Variants in CEP112 observed in about 807,000 individuals in gnomAD.
The protein encoded by CEP112 is centrosomal protein 112.
In CEP112, 127 loss-of-function variants were observed where a neutral mutation model predicts 153.0. The ratio of observed to expected loss-of-function variants is 0.83; its 90% CI spans 0.72 to 0.96. The LOEUF (loss-of-function observed/expected upper bound fraction) is 0.96, where lower values mean the gene tolerates loss of function less well. CEP112 is among the 40% of genes least tolerant of loss of function. CEP112 has a pLI of 0.00. For missense variants in CEP112, 1,089 were observed against 1,101.2 expected (o/e 0.99, Z 0.16); for synonymous variants, 358 against 374.4 (o/e 0.96, Z 0.51).
rs751345112 is a variant in CEP112, at chr17:66,096,539, T to G, written c.690+46A>C. 1.6e-5 allele frequency: 21 copies of G among 1,338,872 alleles called. No individual in the cohort carries two copies. The African/African-American group carries it at 3.1e-4, about 20-fold the overall frequency. 82.9% of individuals were successfully genotyped at this position (1,338,872 alleles called of 1,614,324 possible). Reference sequence around the variant, plus strand: ...TAAATAACTTAGTGATTATTTTATTTTAAAATACCTGCCCCTAGAAAAAGT... The same window carrying G: ...TAAATAACTTAGTGATTATTTTATTGTAAAATACCTGCCCCTAGAAAAAGT... On this transcript the variant is annotated intron_variant, in intron 7 of 26. Transcript: ENST00000535342.
chr17:65,895,256 T>G (rs2059619067), intron 20 of CEP112, among the ~76,000 whole-genome samples: 1 of 151,862 alleles, frequency 6.6e-6, no homozygotes, highest in Non-Finnish European at 1.5e-5. Flanking sequence ...CCTCATAAGG[T>G]ATTAAAGGGT....
chr17:65,700,936 TCCAGG>T (rs2048600025), intron 23 of CEP112, among the ~76,000 whole-genome samples: 1 of 152,086 alleles, frequency 6.6e-6, no homozygotes, highest in African/African-American at 2.4e-5. Flanking sequence ...TTGTAAAAAG[TCCAGG>T]AATACAGAAT....
chr17:66,024,169 C>T (rs2065107648), intron 16 of CEP112, among the ~76,000 whole-genome samples: 1 of 152,070 alleles, frequency 6.6e-6, no homozygotes, highest in Non-Finnish European at 1.5e-5. Context: ...GAATACACTT[C>T]AAAATATTAA....
At chr17:66,066,932 C>CT in intron 9 of CEP112, 55 bp from the exon 10 acceptor site, 1 of 1,106,626 alleles carries the variant, frequency 9.0e-7, no homozygotes. Flanking sequence ...ATATAGGACA[C>CT]TTTTTTGAAT....
chr17:66,019,264 A>G (rs2064896862), intron 16 of CEP112, among the ~76,000 whole-genome samples: 1 of 151,640 alleles, frequency 6.6e-6, no homozygotes, highest in African/African-American at 2.4e-5. Context: ...ATTTAGAACT[A>G]AGTTTTATAC....
chr17:66,040,229 G>T lies in CEP112; in HGVS notation c.1219-10206C>A, dbSNP rs145358244. ...TGTCAAAACTTTGTACTGTGATTTT[G>T]TTTTTTTAATTTTAGCCCTTTTTGT... On this transcript the variant is annotated intron_variant, in intron 12 of 26. Coordinates refer to ENST00000535342, the MANE Select transcript of CEP112 (RefSeq NM_001199165.4). 4.4e-4 allele frequency among the ~76,000 whole-genome samples: 67 copies of T among 151,988 alleles called. 1 individual carries two copies. In the Middle Eastern group the frequency reaches 0.01, roughly 23 times the overall value.
chr17:66,019,009 C>T (rs922803593), intron 16 of CEP112, among the ~76,000 whole-genome samples: 21 of 152,184 alleles, frequency 1.4e-4, no homozygotes, highest in African/African-American at 5.1e-4. Context: ...AATTCATCAA[C>T]AATGACATTT....
rs2073180643 is a variant in CEP112 at position 66,192,033 on chromosome 17, T to TGCCGCCAACGCC, written c.-57_-46dup. On this transcript the variant is annotated 5_prime_UTR_variant, in exon 1 of 27. Coordinates refer to ENST00000535342, the MANE Select transcript of CEP112 (RefSeq NM_001199165.4). ...ACACGCAAGCTTTCCGCTCGGCCGC[T>TGCCGCCAACGCC]GCCGCCAACGCCGCCGCCACCGCCG... 2 of 153,962 alleles carry TGCCGCCAACGCC rather than the reference T, an allele frequency of 1.3e-5. No individual in the cohort carries two copies. Among genetic ancestry groups the TGCCGCCAACGCC allele is most frequent in the South Asian group, 1.8e-4 (1 of 5,694 alleles). The allele number at this position is 153,962 out of a possible 1,614,324, so 9.5% of individuals were successfully genotyped here.
chr17:65,636,384 G>C (rs570526529), intron 26 of CEP112, among the ~76,000 whole-genome samples: 1 of 152,112 alleles, frequency 6.6e-6, no homozygotes, highest in Non-Finnish European at 1.5e-5. Context: ...CTGAGCTGTT[G>C]GTCTATTCTG....
At chr17:66,052,609 C>T (rs1187163059) in intron 12 of CEP112, among the ~76,000 whole-genome samples, 1 of 152,116 alleles carries the variant, frequency 6.6e-6, no homozygotes, top group Non-Finnish European at 1.5e-5. Flanking sequence ...GACCTCCTTC[C>T]TGAATTACTT....
At chr17:65,965,600 G>A (rs976894230) in intron 17 of CEP112, among the ~76,000 whole-genome samples, 3 of 145,900 alleles carry the variant, frequency 2.1e-5, no homozygotes, top group African/African-American at 7.6e-5. Context: ...AGGGCTCACT[G>A]CAGCCTTGAA....
chr17:65,855,558 CT>C (rs1211456752), intron 20 of CEP112, among the ~76,000 whole-genome samples: 1 of 152,172 alleles, frequency 6.6e-6, no homozygotes, highest in Non-Finnish European at 1.5e-5. Flanking sequence ...GGTTCATAAT[CT>C]TGTCCTTCTA....
At chr17:65,805,779 C>T (rs1006301867) in intron 21 of CEP112, among the ~76,000 whole-genome samples, 2 of 152,134 alleles carry the variant, frequency 1.3e-5, no homozygotes, top group Admixed American at 1.3e-4. Context: ...CTGAATTAAT[C>T]CATCCATGGT....
chr17:65,972,273 T>G (rs2062870115), intron 17 of CEP112, among the ~76,000 whole-genome samples: 1 of 152,156 alleles, frequency 6.6e-6, no homozygotes, highest in South Asian at 2.1e-4. Context: ...ATTTGGAAAC[T>G]AAATAATGTT....
chr17:65,898,374 A>G (rs1374912656), intron 20 of CEP112, among the ~76,000 whole-genome samples: 1 of 152,124 alleles, frequency 6.6e-6, no homozygotes, highest in Non-Finnish European at 1.5e-5. Context: ...TTGCAAATGC[A>G]TGGAAAATCA....
At chr17:65,712,047 C>T (rs1051175847) in intron 23 of CEP112, among the ~76,000 whole-genome samples, 1 of 152,170 alleles carries the variant, frequency 6.6e-6, no homozygotes, top group African/African-American at 2.4e-5. Context: ...ATCACAGAGT[C>T]CATCGACTGC....
chr17:66,182,728 A>G (rs2072769003), intron 2 of CEP112, among the ~76,000 whole-genome samples: 1 of 152,246 alleles, frequency 6.6e-6, no homozygotes, highest in Non-Finnish European at 1.5e-5. Flanking sequence ...AGATAGCAAC[A>G]AAACTTTATT....
intron 21 of CEP112, among the ~76,000 whole-genome samples, chr17:65,793,883 C>T (rs1408524970): frequency 1.3e-5 from 2 of 152,158 alleles, no homozygotes; most frequent in Middle Eastern, 3.2e-3. Context: ...TTCAGTTTGA[C>T]CTATATCTTA....
At chr17:66,063,141 T>C in intron 10 of CEP112, 60 bp from the exon 11 acceptor site, 2 of 684,846 alleles carry the variant, frequency 2.9e-6, no homozygotes, top group Non-Finnish European at 4.6e-6. Flanking sequence ...TTTGATGATA[T>C]AAAATTTAGT....
Sources: allele counts gnomAD v4.1 joint callset (sites outside exome capture counted in the v4.1 genomes callset), GRCh38; gene constraint gnomAD v4.1.1; transcripts MANE v1.5; gene names NCBI Gene and HGNC (gene_info 2026-07-23, HGNC 2026-07-21).